The following CCNY variants were observed in gnomAD, a reference collection of about 807,000 sequenced individuals.
The protein encoded by CCNY is cyclin-Y.
Under a neutral mutation model 42.8 loss-of-function variants are expected in CCNY, and 19 were observed. The observed-to-expected ratio is 0.44, with a 90% CI of 0.31 to 0.65. The LOEUF is 0.65. CCNY is among the 30% of genes least tolerant of loss of function. The probability of loss-of-function intolerance (pLI) is 0.07; values close to 1 mark genes in which losing one functional copy is unlikely to be tolerated. For missense variants in CCNY, 370 were observed against 437.3 expected (o/e 0.85, Z 1.37); for synonymous variants, 165 against 162.7 (o/e 1.01, Z -0.11).
At chr10:35,353,080 C>T (rs1428442718) in intron 1 of CCNY, among the ~76,000 whole-genome samples, 1 of 152,144 alleles carries the variant, frequency 6.6e-6, no homozygotes, top group African/African-American at 2.4e-5. Flanking sequence ...TGTGCACCAC[C>T]ATGCCTGGCT....
chr10:35,257,828 G>C (rs887699299), intron 3 of CCNY, among the ~76,000 whole-genome samples: 1 of 152,046 alleles, frequency 6.6e-6, no homozygotes, highest in African/African-American at 2.4e-5. Context: ...TATTCTCTTG[G>C]CTTTCCCCTT....
rs540774037 is a variant in CCNY at position 35,420,730 on chromosome 10, T to C, written c.155-62674T>C. The stretch of plus-strand genomic sequence containing the variant: ...GAAGTAAACTTTTTTAAAGCAAATA[T>C]GTTTTCAAACCGCAAAAACAGATGC... On this transcript the variant is annotated intron_variant, in intron 1 of 9. Coordinates refer to ENST00000374704, the MANE Select transcript of CCNY (RefSeq NM_145012.6). Among the ~76,000 whole-genome samples the C allele has an allele frequency of 2.6e-5, 4 of 152,342 alleles. No individual in the cohort carries two copies. The South Asian group carries it at 8.3e-4, about 32-fold the overall frequency.
intron 3 of CCNY, among the ~76,000 whole-genome samples, chr10:35,313,032 C>A (rs1835708391): frequency 6.6e-6 from 1 of 152,074 alleles, no homozygotes; most frequent in Admixed American, 6.5e-5. Context: ...GTGGTCTTAG[C>A]TGTCTCTTTG....
chr10:35,445,282 C>A (rs947154786), intron 1 of CCNY, among the ~76,000 whole-genome samples: 3 of 152,318 alleles, frequency 2.0e-5, no homozygotes, highest in East Asian at 1.9e-4. Flanking sequence ...TGCCGCCCTG[C>A]TCTTCTGCCT....
intron 3 of CCNY, among the ~76,000 whole-genome samples, chr10:35,255,927 C>A (rs539355319): frequency 7.2e-5 from 11 of 152,124 alleles, no homozygotes; most frequent in African/African-American, 2.7e-4. Flanking sequence ...CTGTACTGAA[C>A]CTTTTTATTA....
At chr10:35,439,213 T>G (rs1838608885) in intron 1 of CCNY, among the ~76,000 whole-genome samples, 2 of 152,228 alleles carry the variant, frequency 1.3e-5, no homozygotes, top group African/African-American at 4.8e-5. Context: ...CGCTGTCTTT[T>G]CTCCCTTGGT....
At chr10:35,369,795 AT>A (rs1428289472) in intron 1 of CCNY, among the ~76,000 whole-genome samples, 4 of 152,202 alleles carry the variant, frequency 2.6e-5, no homozygotes, top group African/African-American at 9.6e-5. Context: ...GACCTCATAA[AT>A]TTTAATTTCT....
chr10:35,403,849 G>C (rs532413297), intron 1 of CCNY, among the ~76,000 whole-genome samples: 1 of 152,392 alleles, frequency 6.6e-6, no homozygotes, highest in East Asian at 1.9e-4. Context: ...CTTTGCTGGT[G>C]AGTGGTGATT....
intron 1 of CCNY, among the ~76,000 whole-genome samples, chr10:35,415,068 G>C (rs1436344959): frequency 2.0e-5 from 3 of 152,136 alleles, no homozygotes; most frequent in African/African-American, 7.3e-5. Context: ...TAGTTTTAGG[G>C]GAAGATCAGT....
At chr10:35,499,934 C>T (rs549802401) in intron 2 of CCNY, among the ~76,000 whole-genome samples, 27 of 152,220 alleles carry the variant, frequency 1.8e-4, no homozygotes, top group Non-Finnish European at 2.6e-4. Context: ...TGCATGCACA[C>T]GCTCTATATA....
intron 3 of CCNY, among the ~76,000 whole-genome samples, chr10:35,252,565 C>CAAAA (rs755376669): frequency 9.3e-5 from 2 of 21,534 alleles, no homozygotes; most frequent in Non-Finnish European, 1.0e-4. Context: ...GACTCCGTCT[C>CAAAA]AAAAAAAAAA....
chr10:35,551,251 A>C (rs1304336388), intron 7 of CCNY, among the ~76,000 whole-genome samples: 1 of 152,186 alleles, frequency 6.6e-6, no homozygotes, highest in Admixed American at 6.5e-5. Context: ...CGCCTCCTCA[A>C]AGACATCCTA....
In CCNY at chr10:35,258,078, G is replaced by A. The variant is rs1436531751; in HGVS notation, c.-9+7452G>A. Among the ~76,000 whole-genome samples the A allele has an allele frequency of 5.3e-5, 8 of 151,958 alleles. No individual in the cohort carries two copies. The East Asian group carries it at 1.4e-3, about 26-fold the overall frequency. ...TGCTTTTCAGCTCTAGAATTTTTTT[G>A]TTTCTTTGGGAGGCAGAGGTTGCAG... On this transcript the variant is annotated intron_variant, in intron 3 of 11. Transcript: ENST00000374706.
chr10:35,479,497 A>G (rs1188408341), intron 1 of CCNY, among the ~76,000 whole-genome samples: 2 of 143,914 alleles, frequency 1.4e-5, no homozygotes, highest in East Asian at 2.0e-4. Context: ...TCAGTAAACT[A>G]TCGCAAGAAC....
chr10:35,442,928 A>T (rs1039818798), intron 1 of CCNY, among the ~76,000 whole-genome samples: 3 of 152,258 alleles, frequency 2.0e-5, no homozygotes, highest in Non-Finnish European at 4.4e-5. Context: ...TGCATAGTAT[A>T]GCCTGTTGCT....
intron 3 of CCNY, among the ~76,000 whole-genome samples, chr10:35,266,998 C>T (rs540121442): frequency 4.6e-5 from 7 of 150,858 alleles, no homozygotes; most frequent in Non-Finnish European, 1.0e-4. Flanking sequence ...AGGAGAATCG[C>T]TTGTACCTGG....
rs1841665640 is a variant in CCNY at position 35,570,506 on chromosome 10, A to G, written c.*1336A>G. 1 of 152,366 alleles carries G rather than the reference A, an allele frequency of 6.6e-6. No homozygotes were observed. Among genetic ancestry groups the G allele is most frequent in the Non-Finnish European group, 1.5e-5 (1 of 68,044 alleles). 9.4% of individuals were successfully genotyped at this position (152,366 alleles called of 1,614,324 possible). A position where few individuals can be genotyped will look rare whatever the true frequency, so the allele number is the denominator to read the frequency against. Reference sequence around the variant, plus strand: ...ATCAAGTAAAATGAAAGTTGATGATAGAATATCAAATAGTGAATTTGATAT... The same window carrying G: ...ATCAAGTAAAATGAAAGTTGATGATGGAATATCAAATAGTGAATTTGATAT... On this transcript the variant is annotated 3_prime_UTR_variant, in exon 10 of 10. Transcript: ENST00000374704.
chr10:35,475,606 C>G (rs1250552248), intron 1 of CCNY, among the ~76,000 whole-genome samples: 1 of 148,578 alleles, frequency 6.7e-6, no homozygotes, highest in Non-Finnish European at 1.5e-5. Flanking sequence ...TTTGTCACCA[C>G]CAGGCCTGCC....
rs796338879 is a variant in CCNY, at chr10:35,304,298, T to A, written c.-9+53672T>A. Among the ~76,000 whole-genome samples, 365 of 52,416 alleles carry A rather than the reference T, an allele frequency of 7.0e-3. 99 individuals carry two copies. The highest frequency in any genetic ancestry group is 0.025 in the South Asian group (37 of 1,498). The allele number at this position is 52,416 out of a possible 152,430, so 34.4% of individuals were successfully genotyped here. ...AAAAGGCTTTTTTCTCCTTTTATTT[T>A]TTTTTTTTTTTTATTTTTTATTTTT... is the stretch of plus-strand genomic sequence containing the variant. On this transcript the variant is annotated intron_variant, in intron 3 of 11. Coordinates refer to the CCNY transcript ENST00000374706.
Sources: allele counts gnomAD v4.1 joint callset (sites outside exome capture counted in the v4.1 genomes callset), GRCh38; gene constraint gnomAD v4.1.1; transcripts MANE v1.5; gene names NCBI Gene and HGNC (gene_info 2026-07-23, HGNC 2026-07-21).